Variants in GRID2 observed in about 807,000 individuals in gnomAD.
GRID2 encodes the protein glutamate ionotropic receptor delta type subunit 2.
GRID2 carries 33 observed loss-of-function variants against 114.8 expected under a neutral mutation model. The observed-to-expected ratio is 0.29, with a 90% CI of 0.22 to 0.38. GRID2 has a LOEUF of 0.38. Among genes scored for constraint, GRID2 ranks in the 10% least tolerant of loss-of-function variants. The probability of loss-of-function intolerance (pLI) is 1.00; values close to 1 mark genes in which losing one functional copy is unlikely to be tolerated. For missense variants in GRID2, 1,184 were observed against 1,257.7 expected (o/e 0.94, Z 0.89); for synonymous variants, 505 against 449.9 (o/e 1.12, Z -1.55).
intron 2 of GRID2, among the ~76,000 whole-genome samples, chr4:92,607,872 T>C (rs759565857): frequency 3.6e-4 from 54 of 151,784 alleles, no homozygotes; most frequent in Middle Eastern, 3.2e-3. Flanking sequence ...AGATGAAAAA[T>C]GTGTGCGTAA....
intron 8 of GRID2, among the ~76,000 whole-genome samples, chr4:93,393,686 ATGTT>A (rs1253217751): frequency 6.6e-6 from 1 of 152,108 alleles, no homozygotes; most frequent in South Asian, 2.1e-4. Context: ...ATATTTATAA[ATGTT>A]TGTCCATAGC....
At chr4:93,443,033 C>A (rs564208823) in intron 10 of GRID2, among the ~76,000 whole-genome samples, 5 of 152,080 alleles carry the variant, frequency 3.3e-5, no homozygotes, top group Admixed American at 6.6e-5. Flanking sequence ...CTGAAATATA[C>A]CATAAATATA....
At chr4:93,250,987 C>A (rs999702348) in intron 8 of GRID2, among the ~76,000 whole-genome samples, 2 of 151,782 alleles carry the variant, frequency 1.3e-5, no homozygotes, top group Admixed American at 6.6e-5. Context: ...TAAACACATA[C>A]CCCCTGTTAA....
At chr4:93,029,103 T>A (rs570733892) in intron 2 of GRID2, among the ~76,000 whole-genome samples, 70 of 152,224 alleles carry the variant, frequency 4.6e-4, no homozygotes, top group Middle Eastern at 3.4e-3. Flanking sequence ...AGGGAAGCAT[T>A]TTTAGATTAT....
At chr4:93,634,868 C>T (rs1373535985) in intron 14 of GRID2, among the ~76,000 whole-genome samples, 1 of 152,096 alleles carries the variant, frequency 6.6e-6, no homozygotes, top group Non-Finnish European at 1.5e-5. Context: ...GGACCCTGAA[C>T]AAGAAAGGCT....
At chr4:93,347,404 T>C (rs1760348699) in intron 8 of GRID2, among the ~76,000 whole-genome samples, 2 of 152,112 alleles carry the variant, frequency 1.3e-5, no homozygotes, top group South Asian at 4.1e-4. Context: ...TAAAGTTTCA[T>C]GTCTTTATTA....
chr4:92,914,784 T>C (rs894350445), intron 2 of GRID2, among the ~76,000 whole-genome samples: 1 of 152,166 alleles, frequency 6.6e-6, no homozygotes, highest in African/African-American at 2.4e-5. Context: ...TATTCTATGG[T>C]ATATCTGAAC....
chr4:93,040,579 C>T (rs1192985211), intron 2 of GRID2, among the ~76,000 whole-genome samples: 1 of 152,036 alleles, frequency 6.6e-6, no homozygotes, highest in Non-Finnish European at 1.5e-5. Context: ...GAATGGATAT[C>T]ATATTAATTC....
chr4:92,861,385 G>C (rs749352595), intron 2 of GRID2, among the ~76,000 whole-genome samples: 1 of 151,982 alleles, frequency 6.6e-6, no homozygotes, highest in Non-Finnish European at 1.5e-5. Context: ...TGTGAATTAC[G>C]CAGGGGACAC....
chr4:93,751,805 A>T (rs940959340), intron 14 of GRID2, among the ~76,000 whole-genome samples: 2 of 152,162 alleles, frequency 1.3e-5, no homozygotes, highest in South Asian at 4.1e-4. Context: ...TGTCTTCTCA[A>T]GGCCTGTAAC....
At chr4:93,096,272 A>G (rs2149334861) in intron 3 of GRID2, among the ~76,000 whole-genome samples, 1 of 152,184 alleles carries the variant, frequency 6.6e-6, no homozygotes, top group Admixed American at 6.6e-5. Flanking sequence ...CTTTTAGAGG[A>G]AAACATAAGA....
chr4:92,924,320 A>C (rs1205873054), intron 2 of GRID2, among the ~76,000 whole-genome samples: 2 of 152,102 alleles, frequency 1.3e-5, no homozygotes, highest in Non-Finnish European at 2.9e-5. Context: ...TAATGGGTTC[A>C]GCACACCAGC....
chr4:93,349,186 A>T (rs115632010), intron 8 of GRID2, among the ~76,000 whole-genome samples: 8,200 of 152,236 alleles, frequency 0.054, 277 homozygotes, highest in Middle Eastern at 0.18. Flanking sequence ...ATATGTTCAC[A>T]TGTACATATA....
At chr4:92,558,474 A>T (rs1422067839) in intron 1 of GRID2, among the ~76,000 whole-genome samples, 1 of 152,142 alleles carries the variant, frequency 6.6e-6, no homozygotes, top group Non-Finnish European at 1.5e-5. Context: ...TAAATGCAAG[A>T]AGCTTTTAAT....
intron 2 of GRID2, among the ~76,000 whole-genome samples, chr4:92,896,502 A>T (rs571497849): frequency 1.3e-5 from 2 of 151,744 alleles, no homozygotes; most frequent in East Asian, 3.9e-4. Context: ...GATCATATAT[A>T]TCTATCTTTA....
intron 2 of GRID2, among the ~76,000 whole-genome samples, chr4:92,611,131 CAT>C (rs1491201811): frequency 9.7e-5 from 12 of 124,090 alleles, no homozygotes; most frequent in African/African-American, 3.2e-4. Flanking sequence ...TGTGTGTGTG[CAT>C]GTGTGTGTGT....
intron 1 of GRID2, among the ~76,000 whole-genome samples, chr4:92,391,261 T>C (rs1232111088): frequency 6.6e-6 from 1 of 152,132 alleles, no homozygotes; most frequent in East Asian, 1.9e-4. Flanking sequence ...ATGAGCTCTG[T>C]AGTTAAACTT....
intron 1 of GRID2, among the ~76,000 whole-genome samples, chr4:92,557,702 G>A (rs1392571808): frequency 6.7e-6 from 1 of 149,426 alleles, no homozygotes; most frequent in Non-Finnish European, 1.5e-5. Flanking sequence ...GAACAGAAAT[G>A]TGTATTTATA....
chr4:93,429,683 G>T (rs1295930637), intron 10 of GRID2, among the ~76,000 whole-genome samples: 1 of 151,736 alleles, frequency 6.6e-6, no homozygotes, highest in Admixed American at 6.6e-5. Context: ...CCAGGAAAAT[G>T]GAAAAAAAGG....
Sources: gnomAD v4.1 joint callset for allele counts (sites outside exome capture counted in the v4.1 genomes callset) on GRCh38, gnomAD v4.1.1 for gene constraint, MANE v1.5 for transcripts, NCBI Gene and HGNC (gene_info 2026-07-23, HGNC 2026-07-21) for gene names.